Variants in LRP1B observed in about 807,000 individuals in gnomAD.
LRP1B encodes the protein LDL receptor related protein 1B, also known as low-density lipoprotein receptor-related protein 1B.
A neutral mutation model predicts 556.6 loss-of-function variants in LRP1B; 217 were observed. The ratio of observed to expected loss-of-function variants is 0.39; its 90% CI spans 0.35 to 0.44. LRP1B has a LOEUF of 0.44. LRP1B is among the 20% of genes least tolerant of loss of function. The probability of loss-of-function intolerance (pLI) is 1.00; values close to 1 mark genes in which losing one functional copy is unlikely to be tolerated. For synonymous variants in LRP1B, 2,047 were observed against 1,865.8 expected, an observed-to-expected ratio of 1.10 and a Z score of -2.50; for missense variants, 5,053 against 5,620.8, an observed-to-expected ratio of 0.90 and a Z score of 3.23.
At chr2:141,517,570 T>G (rs1286593812) in intron 2 of LRP1B, among the ~76,000 whole-genome samples, 1 of 152,188 alleles carries the variant, frequency 6.6e-6, no homozygotes, top group African/African-American at 2.4e-5. Context: ...AAACCTCAAT[T>G]AAATTTTAAT....
intron 1 of LRP1B, among the ~76,000 whole-genome samples, chr2:142,042,428 G>A (rs957057690): frequency 2.6e-5 from 4 of 151,296 alleles, no homozygotes; most frequent in South Asian, 2.1e-4. Flanking sequence ...CAGAATGACT[G>A]GAATAAGTAA....
Position 141,005,551 on chromosome 2 carries a change from C to T in LRP1B, c.2381-94G>A, listed in dbSNP as rs1196209973. The T allele has an allele frequency of 5.8e-6, 6 of 1,038,474 alleles. No individual in the cohort carries two copies. The East Asian group carries it at 1.3e-4, about 23-fold the overall frequency. 64.3% of individuals were successfully genotyped at this position (1,038,474 alleles called of 1,614,324 possible). A position where few individuals can be genotyped will look rare whatever the true frequency, so the allele number is the denominator to read the frequency against. On this transcript the variant is annotated intron_variant, in intron 14 of 90. Coordinates refer to ENST00000389484, the MANE Select transcript of LRP1B (RefSeq NM_018557.3). ...ATGTAATTACATACACTTATATATG[C>T]TATGTATATTATATATTTAGTAATA... is the stretch of plus-strand genomic sequence containing the variant.
chr2:140,818,949 A>AAG (rs1691222815), intron 31 of LRP1B, among the ~76,000 whole-genome samples: 1 of 151,632 alleles, frequency 6.6e-6, no homozygotes, highest in Admixed American at 6.6e-5. Flanking sequence ...AAAAAAAAAA[A>AAG]AAAAAAAAAA....
At chr2:141,639,825 A>G (rs1574178421) in intron 2 of LRP1B, among the ~76,000 whole-genome samples, 1 of 152,190 alleles carries the variant, frequency 6.6e-6, no homozygotes, top group East Asian at 1.9e-4. Flanking sequence ...TTTTTTACAC[A>G]TGTGTTTTAC....
Position 141,797,146 on chromosome 2 carries a change from C to CATATATATAT in LRP1B, c.205+13123_205+13132dup, listed in dbSNP as rs6146945. Reference sequence around the variant, plus strand: ...GTTAAAGTTTAACTTTGAAAATAATCATATATATATATATATATATATATA... The same window carrying CATATATATAT: ...GTTAAAGTTTAACTTTGAAAATAATCATATATATATATATATATATATATATATATATATA... On this transcript the variant is annotated intron_variant, in intron 2 of 90. Coordinates refer to ENST00000389484, the MANE Select transcript of LRP1B (RefSeq NM_018557.3). 1.6e-3 allele frequency among the ~76,000 whole-genome samples: 123 copies of CATATATATAT among 79,054 alleles called. 1 individual carries two copies. The highest frequency in any genetic ancestry group is 1.8e-3 in the Admixed American group (12 of 6,492). The allele number at this position is 79,054 out of a possible 152,430, so 51.9% of individuals were successfully genotyped here.
At chr2:141,037,784 T>A (rs1698575643) in intron 11 of LRP1B, among the ~76,000 whole-genome samples, 1 of 151,804 alleles carries the variant, frequency 6.6e-6, no homozygotes, top group Non-Finnish European at 1.5e-5. Flanking sequence ...AAACTTCATG[T>A]CCTTTGGCCA....
intron 32 of LRP1B, among the ~76,000 whole-genome samples, chr2:140,796,053 ATATCTATCTATC>A (rs56889775): frequency 6.6e-6 from 1 of 151,034 alleles, no homozygotes; most frequent in South Asian, 2.1e-4. Flanking sequence ...TCCCTGCTCT[ATATCTATCTATC>A]TATCTATCTA....
At chr2:140,624,199 G>A (rs933636856) in intron 41 of LRP1B, among the ~76,000 whole-genome samples, 4 of 151,536 alleles carry the variant, frequency 2.6e-5, no homozygotes, top group South Asian at 2.1e-4. Flanking sequence ...GAAAAAATTC[G>A]GCCAAATTTC....
chr2:141,096,632 GA>G (rs1700319589), intron 7 of LRP1B, among the ~76,000 whole-genome samples: 2 of 28,264 alleles, frequency 7.1e-5, no homozygotes, highest in African/African-American at 1.3e-4. Context: ...GAGAGGGGGA[GA>G]GAGAGAGAGA....
At chr2:140,622,166 A>C (rs571709980) in intron 41 of LRP1B, among the ~76,000 whole-genome samples, 1 of 152,198 alleles carries the variant, frequency 6.6e-6, no homozygotes, top group African/African-American at 2.4e-5. Flanking sequence ...ATTGCACAAC[A>C]AACTTTTTGT....
At position 140,373,717 on chromosome 2, in the gene LRP1B, C is replaced by T. The variant is rs1378621840; in HGVS notation, c.10639-580G>A. On this transcript the variant is annotated intron_variant, in intron 68 of 90. Transcript: ENST00000389484. ...AGTCCAGGACTTTGAGGATGTAGTG[C>T]GCGATGATGGGCACACATGAATACC... 5.3e-5 allele frequency among the ~76,000 whole-genome samples: 8 copies of T among 152,128 alleles called. 1 individual carries two copies. Among genetic ancestry groups the T allele is most frequent in the Middle Eastern group, 6.8e-3 (2 of 294 alleles).
chr2:142,115,210 C>T (rs1707143041), intron 1 of LRP1B, among the ~76,000 whole-genome samples: 1 of 150,634 alleles, frequency 6.6e-6, no homozygotes, highest in South Asian at 2.1e-4. Context: ...CTATGAAATG[C>T]TTTAGAGAAG....
intron 21 of LRP1B, among the ~76,000 whole-genome samples, chr2:140,914,292 G>C (rs1694510173): frequency 6.6e-6 from 1 of 152,096 alleles, no homozygotes; most frequent in South Asian, 2.1e-4. Flanking sequence ...GTAGAGAATG[G>C]AATGGGTTAT....
intron 2 of LRP1B, among the ~76,000 whole-genome samples, chr2:141,722,066 A>G (rs1692836601): frequency 6.6e-6 from 1 of 152,172 alleles, no homozygotes; most frequent in Non-Finnish European, 1.5e-5. Flanking sequence ...CAAATGCTGG[A>G]ACATCATGCT....
At chr2:140,736,625 G>A (rs1687954940) in intron 35 of LRP1B, among the ~76,000 whole-genome samples, 1 of 152,076 alleles carries the variant, frequency 6.6e-6, no homozygotes, top group African/African-American at 2.4e-5. Flanking sequence ...TGAGAAATGT[G>A]GAAAGGATTC....
chr2:140,274,596 C>G lies in LRP1B; in HGVS notation c.12970G>C (p.Val4324Leu), dbSNP rs758802987. 1.2e-6 allele frequency: 2 copies of G among 1,604,196 alleles called. No individual in the cohort carries two copies. Among genetic ancestry groups the G allele is most frequent in the Admixed American group, 3.4e-5 (2 of 58,044 alleles). The change falls in exon 85 of 91, where the codon GTG becomes CTG. Residue 4324 changes from valine to leucine, a missense_variant and splice_region_variant. Physicochemically the swap from Val to Leu is conservative, Grantham distance 32 (BLOSUM62 1). Around this residue, in one of 5 missense-constraint regions of LRP1B, gnomAD observed 551 missense variants for 592.0 expected, o/e 0.93. Coordinates refer to ENST00000389484, the MANE Select transcript of LRP1B (RefSeq NM_018557.3). Reference protein sequence around the residue: ...EYTGDRCQYYVCHHYCVNSES... With the variant: ...EYTGDRCQYYLCHHYCVNSES... The stretch of plus-strand genomic sequence containing the variant: ...GAATTCACACAATAGTGGTGGCACA[C>G]GTCTAGGAAAAAAAGGCACAACAGA...
intron 83 of LRP1B, among the ~76,000 whole-genome samples, chr2:140,310,852 A>T (rs1352642366): frequency 1.3e-5 from 2 of 151,884 alleles, no homozygotes; most frequent in Non-Finnish European, 2.9e-5. Context: ...AAAAATTTAT[A>T]ACTAAAACTT....
chr2:140,314,790 A>T, intron 83 of LRP1B, 145 bp downstream of exon 83: 1 of 583,938 alleles, frequency 1.7e-6, no homozygotes, highest in South Asian at 4.0e-5. Flanking sequence ...AACAAATGCC[A>T]TTGATTTAAT....
chr2:141,467,843 G>GGC (rs1682300766), intron 3 of LRP1B, among the ~76,000 whole-genome samples: 1 of 133,196 alleles, frequency 7.5e-6, no homozygotes, highest in African/African-American at 2.7e-5. Context: ...GCGGACCGGG[G>GGC]GGGGGGGAAT....
Sources: allele counts gnomAD v4.1 joint callset (sites outside exome capture counted in the v4.1 genomes callset), GRCh38; gene constraint gnomAD v4.1.1; regional missense constraint gnomAD v4.1.1; transcripts MANE v1.5; gene names NCBI Gene and HGNC (gene_info 2026-07-23, HGNC 2026-07-21).